Variants in KIF20B observed in about 807,000 individuals in gnomAD.
The protein encoded by KIF20B is kinesin-like protein KIF20B.
Under a neutral mutation model 232.5 loss-of-function variants are expected in KIF20B, and 188 were observed. The observed-to-expected ratio is 0.81, with a 90% CI of 0.72 to 0.91. The LOEUF (loss-of-function observed/expected upper bound fraction) is 0.91. KIF20B is among the 40% of genes least tolerant of loss of function. KIF20B has a pLI of 0.00. For synonymous variants in KIF20B, 712 were observed against 683.0 expected (o/e 1.04, Z -0.66); for missense variants, 2,154 against 2,055.9 (o/e 1.05, Z -0.92).
At chr10:89,721,063 C>T (rs1843046176) in intron 13 of KIF20B, among the ~76,000 whole-genome samples, 1 of 152,152 alleles carries the variant, frequency 6.6e-6, no homozygotes. Context: ...AGTCCTCTTA[C>T]CAGTGTCCTA....
At chr10:89,722,676 A>T (rs1312907533) in intron 13 of KIF20B, among the ~76,000 whole-genome samples, 1 of 152,188 alleles carries the variant, frequency 6.6e-6, no homozygotes, top group Admixed American at 6.5e-5. Context: ...CTCAAAAAAA[A>T]TAAATAAATA....
rs1166618034 is a variant in KIF20B, at chr10:89,726,317, G to C, written c.2026G>C (p.Glu676Gln). The C allele has an allele frequency of 1.9e-6, 3 of 1,549,210 alleles. No homozygotes were observed. Among genetic ancestry groups the C allele is most frequent in the Non-Finnish European group, 2.6e-6 (3 of 1,146,204 alleles). The change falls in exon 16 of 33, where the codon GAA (glutamate) becomes CAA (glutamine). Residue 676 changes from glutamate to glutamine, a missense_variant. By Grantham distance (29) the Glu-to-Gln change is conservative. Coordinates refer to ENST00000371728, the MANE Select transcript of KIF20B (RefSeq NM_001284259.2). ...TEETHNYVGF[E>Q]DIIDSLQDNV... ...GGAAACACATAATTATGTAGGATTTGAAGATATTATTGATTCTCTTCAAGA... is the reference window on the plus strand; with the variant it reads ...GGAAACACATAATTATGTAGGATTTCAAGATATTATTGATTCTCTTCAAGA...
Position 89,772,821 on chromosome 10 carries a change from C to T in KIF20B, c.5375C>T (p.Ser1792Leu). 1 of 1,607,432 alleles carries T rather than the reference C, an allele frequency of 6.2e-7. No homozygotes were observed. Among genetic ancestry groups the T allele is most frequent in the Non-Finnish European group, 8.5e-7 (1 of 1,177,148 alleles). ...TSEISSPIDI[S>L]GQVILMDQKM... ...GAAATTTCATCTCCTATTGATATAT[C>T]AGGCCAAGTGGTAAGCTAGTATTTC... Residue 1792 changes from serine to leucine, a missense_variant, in exon 32 of 33, where the codon TCA becomes TTA. Transcript: ENST00000371728.
chr10:89,771,963 C>T (rs987256370), intron 31 of KIF20B, among the ~76,000 whole-genome samples: 2 of 151,842 alleles, frequency 1.3e-5, no homozygotes, highest in African/African-American at 4.8e-5. Context: ...TTCTCCGATA[C>T]CTGGACTCTC....
At chr10:89,754,190 T>C (rs1260065575) in intron 25 of KIF20B, among the ~76,000 whole-genome samples, 1 of 151,700 alleles carries the variant, frequency 6.6e-6, no homozygotes, top group Non-Finnish European at 1.5e-5. Context: ...ACAAAGTCTT[T>C]TTTATTCTCT....
chr10:89,757,303 A>G (rs781415709), intron 26 of KIF20B, among the ~76,000 whole-genome samples: 7 of 151,832 alleles, frequency 4.6e-5, no homozygotes, highest in Non-Finnish European at 7.4e-5. Flanking sequence ...CTGTGCCTAT[A>G]CAAGTTCCCT....
intron 13 of KIF20B, among the ~76,000 whole-genome samples, chr10:89,722,432 G>T (rs1360715715): frequency 1.3e-5 from 2 of 152,178 alleles, no homozygotes; most frequent in Non-Finnish European, 2.9e-5. Flanking sequence ...CACTTTGGGA[G>T]GCCAAGGTGG....
chr10:89,740,722 G>A (rs1036094290), intron 21 of KIF20B, among the ~76,000 whole-genome samples: 9 of 152,128 alleles, frequency 5.9e-5, no homozygotes, highest in African/African-American at 1.9e-4. Flanking sequence ...GTGCAGTGGC[G>A]TGATCATAGC....
intron 17 of KIF20B, among the ~76,000 whole-genome samples, chr10:89,728,161 T>C (rs1052100015): frequency 2.6e-5 from 4 of 152,144 alleles, no homozygotes; most frequent in Non-Finnish European, 4.4e-5. Context: ...GTATCTAATA[T>C]CCAGTATTTA....
Position 89,705,415 on chromosome 10 carries a change from T to A in KIF20B, c.121T>A (p.Phe41Ile). Residue 41 changes from phenylalanine (F) to isoleucine (I), a missense_variant, in exon 2 of 33, where the codon TTT becomes ATT. Physicochemically the swap from Phe to Ile is conservative, Grantham distance 21. Coordinates refer to ENST00000371728, the MANE Select transcript of KIF20B (RefSeq NM_001284259.2). Reference sequence around the variant, plus strand: ...CATTAAGCTTGATCTGTCTCATGAATTTTCCTTAGTTGCTCCAAATACTGA... The same window carrying A: ...CATTAAGCTTGATCTGTCTCATGAAATTTCCTTAGTTGCTCCAAATACTGA... ...DGIKLDLSHE[F>I]SLVAPNTEAN... The A allele has an allele frequency of 1.2e-6, 2 of 1,614,030 alleles. No homozygotes were observed. The highest frequency in any genetic ancestry group is 1.7e-6 in the Non-Finnish European group (2 of 1,179,942).
At position 89,733,073 on chromosome 10, in the gene KIF20B, C is replaced by T; in HGVS notation, c.2545+17C>T. 2.5e-6 allele frequency: 4 copies of T among 1,612,362 alleles called. No homozygotes were observed. The highest frequency in any genetic ancestry group is 3.4e-6 in the Non-Finnish European group (4 of 1,178,950). Reference sequence around the variant, plus strand: ...CAAAGAAAGGTACTACTTCAGCTGCCAGCAGCAGGCGTTTAAGAAAGCTAA... The same window carrying T: ...CAAAGAAAGGTACTACTTCAGCTGCTAGCAGCAGGCGTTTAAGAAAGCTAA... On this transcript the variant is annotated intron_variant, in intron 19 of 32. Transcript: ENST00000371728.
At chr10:89,771,308 G>A (rs949060778) in intron 31 of KIF20B, among the ~76,000 whole-genome samples, 3 of 73,912 alleles carry the variant, frequency 4.1e-5, no homozygotes, top group Non-Finnish European at 7.5e-5. Flanking sequence ...TAATCTGCAC[G>A]GACAAAATGT....
At chr10:89,753,278 T>G (rs1266780338) in intron 25 of KIF20B, among the ~76,000 whole-genome samples, 2 of 152,160 alleles carry the variant, frequency 1.3e-5, no homozygotes, top group African/African-American at 4.8e-5. Flanking sequence ...ACAGAAGCTG[T>G]AGGATTGAAG....
At chr10:89,766,244 C>T (rs988779146) in intron 29 of KIF20B, 13 of 152,114 alleles carry the variant, frequency 8.5e-5, no homozygotes, top group African/African-American at 2.4e-4. Context: ...CGCTTCATTT[C>T]ATTCATTTCA....
intron 23 of KIF20B, among the ~76,000 whole-genome samples, chr10:89,747,813 C>T (rs1344810315): frequency 6.6e-6 from 1 of 151,848 alleles, no homozygotes; most frequent in East Asian, 1.9e-4. Context: ...GTGCAGCGCA[C>T]CAGCATGTCA....
intron 13 of KIF20B, among the ~76,000 whole-genome samples, chr10:89,722,905 T>C (rs1843098293): frequency 6.6e-6 from 1 of 152,174 alleles, no homozygotes; most frequent in Admixed American, 6.5e-5. Flanking sequence ...TGTAACCTGG[T>C]ATTCTTTATA....
At position 89,740,249 on chromosome 10, in the gene KIF20B, TTA is replaced by T. The variant is rs1489948173; in HGVS notation, c.3915+1154_3915+1155del. Among the ~76,000 whole-genome samples, 10 of 144,170 alleles carry T rather than the reference TTA, an allele frequency of 6.9e-5. 1 individual carries two copies. The highest frequency in any genetic ancestry group is 1.5e-4 in the African/African-American group (6 of 39,648). The allele number at this position is 144,170 out of a possible 152,430, so 94.6% of individuals were successfully genotyped here. On this transcript the variant is annotated intron_variant, in intron 21 of 32. Transcript: ENST00000371728. ...TTGTGCTGTCTTTTTTTTTTTTTTT[TTA>T]AAGTATGTAGTTTTTATTTTTACTT...
At position 89,747,085 on chromosome 10, in the gene KIF20B, G is replaced by A. The variant is rs143284396; in HGVS notation, c.4096+1126G>A. Among the ~76,000 whole-genome samples the A allele has an allele frequency of 7.8e-3, 1,185 of 152,082 alleles. 10 individuals are homozygous for A. The highest frequency in any genetic ancestry group is 0.011 in the Non-Finnish European group (767 of 67,952). On this transcript the variant is annotated intron_variant, in intron 23 of 32. Transcript: ENST00000371728. ...TAAAATTAAAATGTGTATTCTGAAC[G>A]GACACTTCTCAAAAGAAGACATTTA...
chr10:89,773,611 A>C (rs886349798), intron 32 of KIF20B, among the ~76,000 whole-genome samples: 9 of 151,968 alleles, frequency 5.9e-5, no homozygotes, highest in African/African-American at 2.2e-4. Context: ...GTTACTATAT[A>C]ATGTGCTTTC....
Sources: allele counts gnomAD v4.1 joint callset (sites outside exome capture counted in the v4.1 genomes callset), GRCh38; gene constraint gnomAD v4.1.1; transcripts MANE v1.5; gene names NCBI Gene and HGNC (gene_info 2026-07-23, HGNC 2026-07-21).